The following WWOX variants were observed in gnomAD, a reference collection of about 807,000 sequenced individuals.
WWOX encodes the protein WW domain containing oxidoreductase.
Under a neutral mutation model 46.2 loss-of-function variants are expected in WWOX, and 69 were observed. That is an observed-to-expected ratio of 1.49 (90% CI 1.23 to 1.82). The LOEUF is 1.82. Among genes scored for constraint, WWOX ranks in the 40% most tolerant of loss-of-function variants. The pLI is 0.00. For missense variants in WWOX, 919 were observed against 542.6 expected, an observed-to-expected ratio of 1.69 and a Z score of -6.89; for synonymous variants, 359 against 202.6, an observed-to-expected ratio of 1.77 and a Z score of -6.56.
chr16:79,152,620 G>T (rs1159101665), intron 8 of WWOX, among the ~76,000 whole-genome samples: 2 of 151,242 alleles, frequency 1.3e-5, no homozygotes. Context: ...GCAGTGAGCC[G>T]AGATCACGCC....
chr16:78,916,240 G>A (rs1567646876), intron 8 of WWOX, among the ~76,000 whole-genome samples: 1 of 152,190 alleles, frequency 6.6e-6, no homozygotes, highest in East Asian at 1.9e-4. Context: ...CAAGTTTGCC[G>A]GCCAGGAAGT....
intron 8 of WWOX, among the ~76,000 whole-genome samples, chr16:79,058,685 G>A (rs1237904632): frequency 6.6e-6 from 1 of 152,118 alleles, no homozygotes; most frequent in Non-Finnish European, 1.5e-5. Flanking sequence ...CCTTATTTTG[G>A]TAGAGCTAAA....
At chr16:78,225,540 A>G (rs1160696510) in intron 5 of WWOX, among the ~76,000 whole-genome samples, 10 of 152,284 alleles carry the variant, frequency 6.6e-5, no homozygotes, top group Admixed American at 6.5e-4. Context: ...TGGTAACATT[A>G]TATTGACTCA....
intron 8 of WWOX, among the ~76,000 whole-genome samples, chr16:78,802,635 G>T (rs1395892163): frequency 6.6e-6 from 1 of 151,922 alleles, no homozygotes; most frequent in African/African-American, 2.4e-5. Context: ...TGGTTGAATG[G>T]CTGGCCACCG....
chr16:78,863,099 C>T (rs1166503537), intron 8 of WWOX, among the ~76,000 whole-genome samples: 1 of 151,764 alleles, frequency 6.6e-6, no homozygotes, highest in Admixed American at 6.6e-5. Flanking sequence ...GGTGGGATTA[C>T]AGGCGCCACC....
rs932291028 is a variant in WWOX at position 78,341,012 on chromosome 16, C to T, written c.517-45848C>T. 5.0e-5 allele frequency among the ~76,000 whole-genome samples: 6 copies of T among 118,952 alleles called. 3 individuals carry two copies. The highest frequency in any genetic ancestry group is 1.2e-4 in the Non-Finnish European group (6 of 50,080). 78.0% of individuals were successfully genotyped at this position (118,952 alleles called of 152,430 possible). ...GTTTCTAAAAGGTTGTCTTTCAACCCCATTTTCAGAAGTACCAGGTTCCAC... is the reference window on the plus strand; with the variant it reads ...GTTTCTAAAAGGTTGTCTTTCAACCTCATTTTCAGAAGTACCAGGTTCCAC... On this transcript the variant is annotated intron_variant, in intron 5 of 8. Coordinates refer to ENST00000566780, the MANE Select transcript of WWOX (RefSeq NM_016373.4).
intron 8 of WWOX, among the ~76,000 whole-genome samples, chr16:79,188,101 G>C (rs546129532): frequency 3.9e-5 from 6 of 152,282 alleles, no homozygotes; most frequent in South Asian, 2.1e-4. Flanking sequence ...ACAGTGTAGA[G>C]TCACTTTGAT....
intron 8 of WWOX, among the ~76,000 whole-genome samples, chr16:78,745,806 G>T (rs2142432590): frequency 6.6e-6 from 1 of 151,478 alleles, no homozygotes; most frequent in African/African-American, 2.4e-5. Flanking sequence ...AGTTGAGGGT[G>T]GGTGGGTAGA....
At chr16:78,842,597 C>A (rs1161114250) in intron 8 of WWOX, among the ~76,000 whole-genome samples, 1 of 152,174 alleles carries the variant, frequency 6.6e-6, no homozygotes, top group Non-Finnish European at 1.5e-5. Context: ...GGCATGCTGG[C>A]TCATGCCTGT....
At chr16:78,144,435 A>ATATATATATACG (rs1317534875) in intron 4 of WWOX, among the ~76,000 whole-genome samples, 314 of 16,822 alleles carry the variant, frequency 0.019, 67 homozygotes, top group Non-Finnish European at 0.022. Context: ...ATTACTATAT[A>ATATATATATACG]TATATATATA....
intron 8 of WWOX, among the ~76,000 whole-genome samples, chr16:78,780,872 C>T (rs1356565470): frequency 6.6e-6 from 1 of 152,108 alleles, no homozygotes; most frequent in Non-Finnish European, 1.5e-5. Context: ...TTAAGCAGGG[C>T]AGTGATGTTT....
intron 8 of WWOX, among the ~76,000 whole-genome samples, chr16:78,446,875 G>A (rs577565096): frequency 6.6e-6 from 1 of 152,070 alleles, no homozygotes; most frequent in East Asian, 1.9e-4. Flanking sequence ...TCACCAGGCT[G>A]GACATGAACT....
At chr16:78,876,303 T>C (rs1271975034) in intron 8 of WWOX, among the ~76,000 whole-genome samples, 1 of 152,140 alleles carries the variant, frequency 6.6e-6, no homozygotes, top group Middle Eastern at 3.2e-3. Flanking sequence ...GTCTAAGTGA[T>C]GGCTGCTTAT....
chr16:78,543,331 C>A (rs758243891), intron 8 of WWOX, among the ~76,000 whole-genome samples: 7 of 152,160 alleles, frequency 4.6e-5, no homozygotes, highest in East Asian at 1.9e-4. Flanking sequence ...AATGTCTCAT[C>A]CCCCTGTGGG....
intron 8 of WWOX, among the ~76,000 whole-genome samples, chr16:78,998,508 C>T (rs914938802): frequency 1.3e-5 from 2 of 152,310 alleles, no homozygotes; most frequent in African/African-American, 4.8e-5. Flanking sequence ...GGATTGGCCA[C>T]ACCTGAAGTC....
chr16:78,871,204 G>A (rs62036235), intron 8 of WWOX, among the ~76,000 whole-genome samples: 21,669 of 149,340 alleles, frequency 0.15, 1,859 homozygotes, highest in Non-Finnish European at 0.19. Flanking sequence ...AGGCAATCAG[G>A]GGTAAAAACC....
chr16:78,744,579 C>T (rs2049304953), intron 8 of WWOX, among the ~76,000 whole-genome samples: 1 of 151,632 alleles, frequency 6.6e-6, no homozygotes, highest in African/African-American at 2.4e-5. Context: ...TTACAGGCAC[C>T]TGCCACCACA....
intron 8 of WWOX, among the ~76,000 whole-genome samples, chr16:78,714,101 C>A (rs2048508474): frequency 6.6e-6 from 1 of 152,046 alleles, no homozygotes; most frequent in Non-Finnish European, 1.5e-5. Flanking sequence ...TTGTGAAGCC[C>A]CTTCTAGAAT....
intron 5 of WWOX, among the ~76,000 whole-genome samples, chr16:78,176,464 C>G (rs571696621): frequency 6.6e-6 from 1 of 152,096 alleles, no homozygotes; most frequent in African/African-American, 2.4e-5. Context: ...GCAGGGGAAC[C>G]ATGCACTTAT....
Sources: allele counts gnomAD v4.1 joint callset (sites outside exome capture counted in the v4.1 genomes callset), GRCh38; gene constraint gnomAD v4.1.1; transcripts MANE v1.5; gene names NCBI Gene and HGNC (gene_info 2026-07-23, HGNC 2026-07-21).